Variants in MTUS2 observed in about 807,000 individuals in gnomAD.
The protein encoded by MTUS2 is microtubule associated scaffold protein 2.
A neutral mutation model predicts 114.1 loss-of-function variants in MTUS2; 40 were observed. The observed-to-expected ratio is 0.35, with a 90% CI of 0.27 to 0.46. The LOEUF is 0.46. Among genes scored for constraint, MTUS2 ranks in the 20% least tolerant of loss-of-function variants. The pLI, the probability that MTUS2 is intolerant of heterozygous loss-of-function variation, is 1.00. For missense variants in MTUS2, 1,679 were observed against 1,705.4 expected (o/e 0.98, Z 0.27); for synonymous variants, 688 against 672.0 (o/e 1.02, Z -0.37).
Position 28,949,512 on chromosome 13 carries a change from A to G in MTUS2, c.-242-74945A>G, listed in dbSNP as rs184247965. Among the ~76,000 whole-genome samples the G allele has an allele frequency of 1.1e-3, 167 of 152,350 alleles. 1 individual carries two copies. The highest frequency in any genetic ancestry group is 3.6e-3 in the African/African-American group (149 of 41,586). On this transcript the variant is annotated intron_variant, in intron 2 of 15. Coordinates refer to ENST00000612955, the MANE Select transcript of MTUS2 (RefSeq NM_001033602.4). ...TACCATCTTAACAATTTTTAACTGT[A>G]TAGTTCAGTAGTGTTAATTAAATTC...
intron 2 of MTUS2, among the ~76,000 whole-genome samples, chr13:28,971,307 A>C (rs1201513412): frequency 6.6e-6 from 1 of 152,234 alleles, no homozygotes; most frequent in African/African-American, 2.4e-5. Flanking sequence ...GGGGCCACTG[A>C]AACACAGCAA....
intron 2 of MTUS2, among the ~76,000 whole-genome samples, chr13:28,992,468 G>C (rs553787236): frequency 9.7e-4 from 148 of 152,304 alleles, no homozygotes; most frequent in African/African-American, 3.5e-3. Context: ...GGGGTAAGAA[G>C]AGATGGTTTT....
At chr13:29,388,349 A>G (rs1289052931) in intron 8 of MTUS2, among the ~76,000 whole-genome samples, 1 of 151,794 alleles carries the variant, frequency 6.6e-6, no homozygotes, top group Non-Finnish European at 1.5e-5. Context: ...TTTGTGGGTA[A>G]AATGAGTCAA....
intron 5 of MTUS2, among the ~76,000 whole-genome samples, chr13:29,196,924 T>C (rs1013098698): frequency 3.3e-5 from 5 of 152,210 alleles, no homozygotes; most frequent in African/African-American, 1.2e-4. Flanking sequence ...TCTACAAATA[T>C]CTGTTTCAGT....
At chr13:29,402,860 C>T (rs1044304815) in intron 8 of MTUS2, among the ~76,000 whole-genome samples, 2 of 152,216 alleles carry the variant, frequency 1.3e-5, no homozygotes, top group Non-Finnish European at 2.9e-5. Context: ...CTTCAGCCTC[C>T]AGAGTAGCTG....
chr13:29,494,189 A>G (rs1882379898), intron 12 of MTUS2, among the ~76,000 whole-genome samples: 1 of 152,222 alleles, frequency 6.6e-6, no homozygotes, highest in Admixed American at 6.5e-5. Flanking sequence ...ACGTGTGAAA[A>G]GTGGATAGCC....
At chr13:29,200,664 G>A (rs1894915458) in intron 5 of MTUS2, among the ~76,000 whole-genome samples, 1 of 151,580 alleles carries the variant, frequency 6.6e-6, no homozygotes, top group South Asian at 2.1e-4. Context: ...GGAATTACAG[G>A]CACACACCAC....
At chr13:28,945,194 T>TATATATATATATATATATATACACACAC (rs1555276495) in intron 2 of MTUS2, among the ~76,000 whole-genome samples, 10 of 151,112 alleles carry the variant, frequency 6.6e-5, no homozygotes, top group African/African-American at 2.2e-4. Flanking sequence ...TATATATATA[T>TATATATATATATATATATATACACACAC]ACACCACATT....
intron 9 of MTUS2, among the ~76,000 whole-genome samples, chr13:29,443,023 T>C (rs1566203191): frequency 6.6e-6 from 1 of 152,206 alleles, no homozygotes; most frequent in Non-Finnish European, 1.5e-5. Flanking sequence ...AGAGTATGCT[T>C]CTCTATGAAA....
chr13:29,085,475 C>T (rs975793214), intron 4 of MTUS2, among the ~76,000 whole-genome samples: 1 of 152,104 alleles, frequency 6.6e-6, no homozygotes, highest in Admixed American at 6.5e-5. Context: ...GTCTATTGTT[C>T]CCACCTTTGT....
At chr13:28,859,830 G>A (rs1438857955) in intron 2 of MTUS2, among the ~76,000 whole-genome samples, 5 of 152,126 alleles carry the variant, frequency 3.3e-5, no homozygotes, top group East Asian at 1.9e-4. Context: ...ATCCACAGAC[G>A]GGGGTGGGTG....
intron 2 of MTUS2, among the ~76,000 whole-genome samples, chr13:28,908,537 A>G (rs1880197792): frequency 1.3e-5 from 2 of 151,382 alleles, no homozygotes; most frequent in South Asian, 4.2e-4. Context: ...AATCCAGTCT[A>G]TCATTGTTGG....
At chr13:29,071,519 C>T (rs2475512) in intron 4 of MTUS2, among the ~76,000 whole-genome samples, 83,535 of 143,222 alleles carry the variant, frequency 0.58, 24,328 homozygotes, top group Non-Finnish European at 0.61. Flanking sequence ...CTCTGCCTCC[C>T]GGGTTCAAGT....
intron 8 of MTUS2, among the ~76,000 whole-genome samples, chr13:29,401,723 C>T (rs907340224): frequency 2.0e-5 from 3 of 152,160 alleles, no homozygotes; most frequent in African/African-American, 7.2e-5. Context: ...ATATCTGTGC[C>T]AGAACCCCAT....
intron 5 of MTUS2, among the ~76,000 whole-genome samples, chr13:29,193,984 G>A (rs1278828500): frequency 3.3e-5 from 5 of 151,864 alleles, no homozygotes; most frequent in Non-Finnish European, 5.9e-5. Flanking sequence ...AGAAAAACAA[G>A]CAATGGGGAA....
At chr13:29,389,536 C>CGT (rs1555272543) in intron 8 of MTUS2, among the ~76,000 whole-genome samples, 938 of 77,688 alleles carry the variant, frequency 0.012, 328 homozygotes, top group Middle Eastern at 0.049. Flanking sequence ...TATGTATACA[C>CGT]GTGTGTATAT....
intron 7 of MTUS2, among the ~76,000 whole-genome samples, chr13:29,349,887 G>T (rs1869074459): frequency 6.6e-6 from 1 of 151,898 alleles, no homozygotes; most frequent in Non-Finnish European, 1.5e-5. Context: ...TGAAATTTTT[G>T]GATCTGTTTT....
chr13:29,017,833 G>T (rs11842720), intron 2 of MTUS2, among the ~76,000 whole-genome samples: 67,516 of 152,032 alleles, frequency 0.44, 15,332 homozygotes, highest in Admixed American at 0.5. Flanking sequence ...AAACAGAAGT[G>T]CCTGTGGCAT....
At chr13:29,055,486 C>A (rs1888090712) in intron 4 of MTUS2, among the ~76,000 whole-genome samples, 1 of 152,068 alleles carries the variant, frequency 6.6e-6, no homozygotes, top group Non-Finnish European at 1.5e-5. Context: ...AACACAGTAG[C>A]CTATGGGTAG....
Sources: allele counts gnomAD v4.1 joint callset (sites outside exome capture counted in the v4.1 genomes callset), GRCh38; gene constraint gnomAD v4.1.1; transcripts MANE v1.5; gene names NCBI Gene and HGNC (gene_info 2026-07-23, HGNC 2026-07-21).